DYRK1A: variants seen among roughly 807,000 people sequenced by gnomAD.
DYRK1A encodes the protein dual specificity tyrosine phosphorylation regulated kinase 1A, also known as dual specificity tyrosine-phosphorylation-regulated kinase 1A.
Under a neutral mutation model 79.7 loss-of-function variants are expected in DYRK1A, and 9 were observed. That is an observed-to-expected ratio of 0.11 (90% CI 0.07 to 0.20). The LOEUF (loss-of-function observed/expected upper bound fraction) is 0.20, where lower values mean the gene tolerates loss of function less well. Among genes scored for constraint, DYRK1A ranks in the 10% least tolerant of loss-of-function variants. The pLI is 1.00. For synonymous variants in DYRK1A, 349 were observed against 329.7 expected (o/e 1.06, Z -0.63); for missense variants, 622 against 956.0 (o/e 0.65, Z 4.61).
intron 1 of DYRK1A, among the ~76,000 whole-genome samples, chr21:37,391,780 C>T (rs2049874965): frequency 6.6e-6 from 1 of 152,216 alleles, no homozygotes; most frequent in Non-Finnish European, 1.5e-5. Flanking sequence ...CCCTCTACTT[C>T]AGAGCTTACA....
chr21:37,371,234 C>T (rs943456579), intron 1 of DYRK1A, among the ~76,000 whole-genome samples: 1 of 152,162 alleles, frequency 6.6e-6, no homozygotes, highest in African/African-American at 2.4e-5. Flanking sequence ...GAAATGTAGA[C>T]TTCATGTGAC....
intron 1 of DYRK1A, among the ~76,000 whole-genome samples, chr21:37,417,934 T>G (rs2050389228): frequency 1.3e-5 from 2 of 152,206 alleles, no homozygotes; most frequent in Middle Eastern, 3.4e-3. Flanking sequence ...ACTCCATAGT[T>G]TGTGAATGGC....
At chr21:37,466,346 A>G (rs188309452) in intron 2 of DYRK1A, among the ~76,000 whole-genome samples, 1 of 152,350 alleles carries the variant, frequency 6.6e-6, no homozygotes, top group East Asian at 1.9e-4. Context: ...AGGATGCATA[A>G]TCTTTTGTAA....
intron 1 of DYRK1A, among the ~76,000 whole-genome samples, chr21:37,398,074 AAAAT>A (rs1464058206): frequency 9.1e-6 from 1 of 109,746 alleles, no homozygotes; most frequent in African/African-American, 3.4e-5. Flanking sequence ...TCTTAAAAAA[AAAAT>A]ATATATATAT....
chr21:37,383,008 A>C (rs1406794454), intron 1 of DYRK1A, among the ~76,000 whole-genome samples: 1 of 152,164 alleles, frequency 6.6e-6, no homozygotes, highest in Non-Finnish European at 1.5e-5. Context: ...TCTTTATCTT[A>C]GGAGTCTTTG....
intron 2 of DYRK1A, among the ~76,000 whole-genome samples, chr21:37,469,977 C>T (rs550792463): frequency 3.7e-4 from 56 of 152,210 alleles, no homozygotes; most frequent in Admixed American, 2.4e-3. Context: ...AACCCTGTCT[C>T]TACTAAAAAT....
chr21:37,402,001 C>T (rs1450563892), intron 1 of DYRK1A, among the ~76,000 whole-genome samples: 1 of 152,168 alleles, frequency 6.6e-6, no homozygotes, highest in Non-Finnish European at 1.5e-5. Flanking sequence ...CTTCCCATTC[C>T]CCAGTTGCCA....
intron 2 of DYRK1A, among the ~76,000 whole-genome samples, chr21:37,432,608 A>C (rs554837590): frequency 3.3e-5 from 5 of 152,124 alleles, no homozygotes; most frequent in African/African-American, 1.2e-4. Context: ...GCTGTGTTCT[A>C]TTTCTACCTA....
chr21:37,462,258 G>A (rs979130851), intron 2 of DYRK1A, among the ~76,000 whole-genome samples: 9 of 152,098 alleles, frequency 5.9e-5, no homozygotes, highest in East Asian at 3.9e-4. Flanking sequence ...ATGCTGGCCC[G>A]TGAGTGTTTG....
chr21:37,434,298 A>G (rs1213977248), intron 2 of DYRK1A, among the ~76,000 whole-genome samples: 1 of 152,200 alleles, frequency 6.6e-6, no homozygotes, highest in East Asian at 1.9e-4. Context: ...TGTGGAATGA[A>G]TCTGTACTCT....
chr21:37,474,847 C>T (rs1439818878), intron 3 of DYRK1A, among the ~76,000 whole-genome samples: 2 of 152,148 alleles, frequency 1.3e-5, no homozygotes, highest in African/African-American at 4.8e-5. Flanking sequence ...ACAATATCTT[C>T]CATAGTTCTT....
At chr21:37,453,161 TTTTAA>T (rs1374472772) in intron 2 of DYRK1A, among the ~76,000 whole-genome samples, 1 of 152,202 alleles carries the variant, frequency 6.6e-6, no homozygotes, top group Non-Finnish European at 1.5e-5. Flanking sequence ...CTTAAATATA[TTTTAA>T]TTTACCTGGT....
At chr21:37,469,469 T>A (rs2052145574) in intron 2 of DYRK1A, among the ~76,000 whole-genome samples, 1 of 152,224 alleles carries the variant, frequency 6.6e-6, no homozygotes, top group Non-Finnish European at 1.5e-5. Context: ...CATTAGTTTG[T>A]ACTTGCCCTG....
chr21:37,381,050 T>C (rs909892739), intron 1 of DYRK1A, among the ~76,000 whole-genome samples: 1 of 152,250 alleles, frequency 6.6e-6, no homozygotes, highest in Non-Finnish European at 1.5e-5. Flanking sequence ...ATTTGATTAA[T>C]GCCCTCCAGA....
intron 2 of DYRK1A, among the ~76,000 whole-genome samples, chr21:37,458,655 C>CT (rs1485718269): frequency 2.0e-5 from 3 of 152,260 alleles, no homozygotes; most frequent in African/African-American, 4.8e-5. Context: ...AAGGGGACGC[C>CT]TAAGTCCTAG....
intron 1 of DYRK1A, among the ~76,000 whole-genome samples, chr21:37,383,349 T>A (rs2049696514): frequency 6.6e-6 from 1 of 152,254 alleles, no homozygotes; most frequent in Non-Finnish European, 1.5e-5. Context: ...GAATTTTGGA[T>A]GTTCTTAACT....
At chr21:37,369,205 T>A (rs529918660) in intron 1 of DYRK1A, among the ~76,000 whole-genome samples, 1 of 152,148 alleles carries the variant, frequency 6.6e-6, no homozygotes, top group Non-Finnish European at 1.5e-5. Context: ...GCATTTTGAT[T>A]TTGAGGTGTT....
At chr21:37,420,903 C>T (rs2148428318) in intron 2 of DYRK1A, among the ~76,000 whole-genome samples, 1 of 152,186 alleles carries the variant, frequency 6.6e-6, no homozygotes, top group South Asian at 2.1e-4. Flanking sequence ...CCCTCCCCCT[C>T]TTATCCTTTT....
rs1277869249 is a variant in DYRK1A at position 37,368,703 on chromosome 21, G to A, written c.-77+1075G>A. Among the ~76,000 whole-genome samples, 7 of 152,204 alleles carry A rather than the reference G, an allele frequency of 4.6e-5. No homozygotes were observed. In the East Asian group the frequency reaches 1.2e-3, roughly 25 times the overall value. On this transcript the variant is annotated intron_variant, in intron 1 of 11. Coordinates refer to ENST00000647188, the MANE Select transcript of DYRK1A (RefSeq NM_001347721.2). ...TATAGATGAGGAGAGTGAGTCTGGA[G>A]AGGGGCACTGACTGGTCTAAGGTCA...
Sources: allele counts gnomAD v4.1 joint callset (sites outside exome capture counted in the v4.1 genomes callset), GRCh38; gene constraint gnomAD v4.1.1; transcripts MANE v1.5; gene names NCBI Gene and HGNC (gene_info 2026-07-23, HGNC 2026-07-21).